Variants in CDH12 observed in about 807,000 individuals in gnomAD.
CDH12 encodes the protein cadherin 12.
CDH12 carries 41 observed loss-of-function variants against 74.1 expected under a neutral mutation model. The ratio of observed to expected loss-of-function variants is 0.55; its 90% CI spans 0.43 to 0.72. CDH12 has a LOEUF of 0.72. Ranked by LOEUF, CDH12 falls within the 30% of genes least tolerant of loss-of-function variation. The pLI is 0.00. For missense variants in CDH12, 945 were observed against 977.2 expected (o/e 0.97, Z 0.44); for synonymous variants, 399 against 355.0 (o/e 1.12, Z -1.39).
At chr5:22,577,296 AT>A (rs1454499005) in intron 1 of CDH12, among the ~76,000 whole-genome samples, 1 of 152,196 alleles carries the variant, frequency 6.6e-6, no homozygotes, top group Admixed American at 6.5e-5. Context: ...GCTACCACTG[AT>A]TTTATTTAAA....
intron 2 of CDH12, among the ~76,000 whole-genome samples, chr5:22,452,880 CAAAA>C (rs768945480): frequency 3.1e-5 from 1 of 32,194 alleles, no homozygotes; most frequent in South Asian, 1.6e-3. Context: ...AACCTAAGAG[CAAAA>C]AAAAAAAAAA....
intron 3 of CDH12, among the ~76,000 whole-genome samples, chr5:22,363,584 A>C (rs1177890144): frequency 6.6e-6 from 1 of 152,200 alleles, no homozygotes; most frequent in African/African-American, 2.4e-5. Flanking sequence ...ATATTTAATA[A>C]GTTTTTCTTT....
intron 6 of CDH12, among the ~76,000 whole-genome samples, chr5:21,891,152 A>G (rs1307134394): frequency 2.0e-5 from 3 of 152,232 alleles, no homozygotes; most frequent in Middle Eastern, 3.4e-3. Context: ...ATAGTTCTGT[A>G]TTAAACTTTA....
intron 3 of CDH12, among the ~76,000 whole-genome samples, chr5:22,374,629 A>C (rs1230236713): frequency 6.6e-6 from 1 of 152,158 alleles, no homozygotes; most frequent in East Asian, 1.9e-4. Flanking sequence ...TACAAAATCA[A>C]CATAAAAAAT....
chr5:22,401,934 G>A (rs910484647), intron 3 of CDH12, among the ~76,000 whole-genome samples: 3 of 152,156 alleles, frequency 2.0e-5, no homozygotes, highest in Non-Finnish European at 4.4e-5. Flanking sequence ...GCCACCAGAA[G>A]ATAAGAAAGA....
At chr5:22,849,716 C>G (rs185018830) in intron 1 of CDH12, among the ~76,000 whole-genome samples, 1 of 152,110 alleles carries the variant, frequency 6.6e-6, no homozygotes, top group Admixed American at 6.5e-5. Context: ...TCACTAGAAC[C>G]TTCACAGATA....
At chr5:22,503,663 A>C (rs139099551) in intron 2 of CDH12, among the ~76,000 whole-genome samples, 1 of 152,236 alleles carries the variant, frequency 6.6e-6, no homozygotes, top group African/African-American at 2.4e-5. Flanking sequence ...TTCTCAAATT[A>C]TTATCTTTAA....
At chr5:22,182,226 T>C (rs1056086769) in intron 4 of CDH12, among the ~76,000 whole-genome samples, 23 of 152,108 alleles carry the variant, frequency 1.5e-4, no homozygotes, top group African/African-American at 2.2e-4. Context: ...ATTCACTTTG[T>C]TTCCCTTGTT....
rs138350328 is a variant in CDH12, at chr5:22,281,403, G to C, written c.-332-68760C>G. The stretch of plus-strand genomic sequence containing the variant: ...AATCAGGCAAGATAAATAAATAAAG[G>C]GTATTCAAATAGGAAGAGAGGAAGT... On this transcript the variant is annotated intron_variant, in intron 3 of 14. Coordinates refer to ENST00000382254, the MANE Select transcript of CDH12 (RefSeq NM_004061.5). Among the ~76,000 whole-genome samples the C allele has an allele frequency of 4.8e-3, 728 of 152,100 alleles. 8 individuals carry two copies. The highest frequency in any genetic ancestry group is 0.016 in the African/African-American group (683 of 41,502).
At chr5:22,033,163 A>G (rs569027309) in intron 5 of CDH12, among the ~76,000 whole-genome samples, 2 of 152,272 alleles carry the variant, frequency 1.3e-5, no homozygotes, top group South Asian at 2.1e-4. Context: ...TTGTTGCAAA[A>G]TGCACTGGAA....
intron 10 of CDH12, among the ~76,000 whole-genome samples, chr5:21,789,195 CA>C (rs1746359497): frequency 6.6e-6 from 1 of 152,002 alleles, no homozygotes; most frequent in South Asian, 2.1e-4. Context: ...ATATATGTCA[CA>C]AGTGCAATAA....
Position 21,958,776 on chromosome 5 carries a change from C to A in CDH12, c.526+16315G>T, listed in dbSNP as rs530253540. ...TCTTAAGATTGCCTTGGCTATTTGGCCTCTTTTTTGGTTCCACATGAATTT... is the reference window on the plus strand; with the variant it reads ...TCTTAAGATTGCCTTGGCTATTTGGACTCTTTTTTGGTTCCACATGAATTT... On this transcript the variant is annotated intron_variant, in intron 6 of 14. Transcript: ENST00000382254. 9.9e-4 allele frequency among the ~76,000 whole-genome samples: 150 copies of A among 152,110 alleles called. 2 individuals carry two copies. Among genetic ancestry groups the A allele is most frequent in the Middle Eastern group, 3.4e-3 (1 of 294 alleles).
At chr5:22,335,189 G>C (rs1739519608) in intron 3 of CDH12, among the ~76,000 whole-genome samples, 1 of 152,122 alleles carries the variant, frequency 6.6e-6, no homozygotes, top group Non-Finnish European at 1.5e-5. Context: ...GGGTGATTTG[G>C]TTTGGCTATG....
Position 22,385,177 on chromosome 5 carries a change from G to A in CDH12, c.-333+20080C>T, listed in dbSNP as rs1053941626. ...TTAAACTGTGATTCTTTAGATACTT[G>A]GATCATTTCCCAGTAAGAAAAATAT... On this transcript the variant is annotated intron_variant, in intron 3 of 14. Coordinates refer to ENST00000382254, the MANE Select transcript of CDH12 (RefSeq NM_004061.5). Among the ~76,000 whole-genome samples, 4 of 152,178 alleles carry A rather than the reference G, an allele frequency of 2.6e-5. No individual in the cohort carries two copies. In the South Asian group the frequency reaches 8.3e-4, roughly 32 times the overall value.
At chr5:22,639,050 C>CAAAAAAAAAA (rs545549665) in intron 1 of CDH12, 20 of 64,268 alleles carry the variant, frequency 3.1e-4, no homozygotes, top group African/African-American at 6.0e-4. Flanking sequence ...GAGTCCGCCT[C>CAAAAAAAAAA]AAAAAAAAAA....
At chr5:21,832,634 GA>G (rs1362949489) in intron 8 of CDH12, among the ~76,000 whole-genome samples, 1 of 149,776 alleles carries the variant, frequency 6.7e-6, no homozygotes, top group Non-Finnish European at 1.5e-5. Flanking sequence ...ATACCTGTAG[GA>G]ATACAATTTT....
At chr5:22,168,167 TAACTTTGTGG>T (rs1166302781) in intron 4 of CDH12, among the ~76,000 whole-genome samples, 1 of 152,128 alleles carries the variant, frequency 6.6e-6, no homozygotes, top group Non-Finnish European at 1.5e-5. Context: ...GCATGCCTCC[TAACTTTGTGG>T]AATAATGTGC....
intron 8 of CDH12, among the ~76,000 whole-genome samples, chr5:21,841,239 C>CA (rs1749830260): frequency 6.6e-6 from 1 of 150,564 alleles, no homozygotes; most frequent in Non-Finnish European, 1.5e-5. Context: ...TTTATGCAGC[C>CA]AAAAAACACA....
At chr5:22,514,070 A>G (rs1736715424) in intron 1 of CDH12, among the ~76,000 whole-genome samples, 1 of 151,766 alleles carries the variant, frequency 6.6e-6, no homozygotes, top group African/African-American at 2.4e-5. Context: ...AATGATAGCA[A>G]TATTATTACT....
Sources: allele counts gnomAD v4.1 joint callset (sites outside exome capture counted in the v4.1 genomes callset), GRCh38; gene constraint gnomAD v4.1.1; transcripts MANE v1.5; gene names NCBI Gene and HGNC (gene_info 2026-07-23, HGNC 2026-07-21).